The following LRP1B variants were observed in gnomAD, a reference collection of about 807,000 sequenced individuals.
LRP1B encodes the protein LDL receptor related protein 1B.
In LRP1B, 217 loss-of-function variants were observed where a neutral mutation model predicts 556.6. The ratio of observed to expected loss-of-function variants is 0.39; its 90% CI spans 0.35 to 0.44. The LOEUF is 0.44. LRP1B is among the 20% of genes least tolerant of loss of function. LRP1B has a pLI of 1.00. For missense variants in LRP1B, 5,053 were observed against 5,620.8 expected (o/e 0.90, Z 3.23); for synonymous variants, 2,047 against 1,865.8 (o/e 1.10, Z -2.50).
chr2:140,430,749 G>A (rs1383306546), intron 66 of LRP1B, among the ~76,000 whole-genome samples: 2 of 152,130 alleles, frequency 1.3e-5, no homozygotes, highest in Non-Finnish European at 2.9e-5. Context: ...CAAGCCGCTA[G>A]CCCGTCTCTT....
intron 2 of LRP1B, among the ~76,000 whole-genome samples, chr2:141,784,613 G>A (rs1442953152): frequency 6.6e-6 from 1 of 151,786 alleles, no homozygotes; most frequent in Non-Finnish European, 1.5e-5. Flanking sequence ...GACAACAAAA[G>A]CCAGAAATAT....
rs144471451 is a variant in LRP1B at position 140,393,870 on chromosome 2, A to G, written c.10415-7861T>C. ...GAGGCAGATTAACCATCTCTTAACT[A>G]TCAAAGCATGACCTTTTATAGAGAA... On this transcript the variant is annotated intron_variant, in intron 66 of 90. Coordinates refer to ENST00000389484, the MANE Select transcript of LRP1B (RefSeq NM_018557.3). 7.9e-4 allele frequency among the ~76,000 whole-genome samples: 120 copies of G among 152,320 alleles called. 2 individuals are homozygous for G. Among genetic ancestry groups the G allele is most frequent in the South Asian group, 4.1e-4 (2 of 4,830 alleles).
At chr2:141,917,396 T>A (rs187576424) in intron 1 of LRP1B, among the ~76,000 whole-genome samples, 3 of 152,222 alleles carry the variant, frequency 2.0e-5, no homozygotes, top group African/African-American at 4.8e-5. Flanking sequence ...TTTTGCTTTA[T>A]CAATATGTAT....
chr2:141,794,891 A>T lies in LRP1B; in HGVS notation c.205+15388T>A, dbSNP rs118020418. Among the ~76,000 whole-genome samples the T allele has an allele frequency of 9.9e-5, 15 of 152,200 alleles. No homozygotes were observed. The East Asian group carries it at 2.9e-3, about 29-fold the overall frequency. ...ACATTGCATTTTGGGACAGGTACAC[A>T]CAACTATATTGGGTTAGTATTATTT... On this transcript the variant is annotated intron_variant, in intron 2 of 90. Coordinates refer to ENST00000389484, the MANE Select transcript of LRP1B (RefSeq NM_018557.3).
intron 31 of LRP1B, among the ~76,000 whole-genome samples, chr2:140,836,054 C>G (rs1460235695): frequency 6.6e-6 from 1 of 152,134 alleles, no homozygotes; most frequent in Non-Finnish European, 1.5e-5. Flanking sequence ...CATACTTTAG[C>G]AATGAAAATG....
intron 1 of LRP1B, among the ~76,000 whole-genome samples, chr2:142,110,155 C>A (rs942067750): frequency 1.2e-4 from 18 of 151,906 alleles, no homozygotes; most frequent in African/African-American, 4.1e-4. Context: ...TTATACAAGC[C>A]CATCATTCTT....
At chr2:141,616,334 TA>T (rs1361343353) in intron 2 of LRP1B, among the ~76,000 whole-genome samples, 2 of 151,938 alleles carry the variant, frequency 1.3e-5, no homozygotes, top group East Asian at 3.9e-4. Flanking sequence ...ACATAAACTT[TA>T]TATGAACAAT....
chr2:141,652,471 G>A (rs1029104604), intron 2 of LRP1B, among the ~76,000 whole-genome samples: 2 of 152,170 alleles, frequency 1.3e-5, no homozygotes, highest in Non-Finnish European at 2.9e-5. Flanking sequence ...CATTTTGAAT[G>A]TTTTCTGTAT....
rs143235499 is a variant in LRP1B at position 141,289,856 on chromosome 2, C to T, written c.344-35215G>A. Among the ~76,000 whole-genome samples, 245 of 152,232 alleles carry T rather than the reference C, an allele frequency of 1.6e-3. 1 individual carries two copies. The highest frequency in any genetic ancestry group is 5.4e-3 in the African/African-American group (225 of 41,544). On this transcript the variant is annotated intron_variant, in intron 3 of 90. Transcript: ENST00000389484. ...ATATTTGAGTTTTTGATTGTTTCTT[C>T]CTACTTCTACCTTATATATGTGTTA...
At chr2:140,988,457 G>A (rs1386317583) in intron 17 of LRP1B, among the ~76,000 whole-genome samples, 1 of 152,100 alleles carries the variant, frequency 6.6e-6, no homozygotes, top group African/African-American at 2.4e-5. Flanking sequence ...AGAAGACATA[G>A]ACTAGGACTC....
chr2:140,443,875 A>G (rs1686536246), intron 65 of LRP1B, among the ~76,000 whole-genome samples: 1 of 152,204 alleles, frequency 6.6e-6, no homozygotes, highest in Non-Finnish European at 1.5e-5. Flanking sequence ...TTGTTAGACC[A>G]TTTTGCCCAG....
At chr2:141,764,429 G>A (rs866913819) in intron 2 of LRP1B, among the ~76,000 whole-genome samples, 1 of 152,158 alleles carries the variant, frequency 6.6e-6, no homozygotes, top group African/African-American at 2.4e-5. Flanking sequence ...TGATCCACCT[G>A]CCTCGGCCTC....
intron 6 of LRP1B, among the ~76,000 whole-genome samples, chr2:141,216,031 TC>T (rs1682796404): frequency 6.6e-6 from 1 of 152,128 alleles, no homozygotes; most frequent in South Asian, 2.1e-4. Context: ...GAAAAATGTC[TC>T]AAAGGCACTT....
At chr2:141,023,673 G>A (rs1192679355) in intron 11 of LRP1B, among the ~76,000 whole-genome samples, 1 of 151,928 alleles carries the variant, frequency 6.6e-6, no homozygotes, top group Non-Finnish European at 1.5e-5. Flanking sequence ...ATTTTTAAAA[G>A]AAAGGATGTG....
At chr2:141,559,690 G>T (rs1247983961) in intron 2 of LRP1B, among the ~76,000 whole-genome samples, 2 of 151,574 alleles carry the variant, frequency 1.3e-5, no homozygotes, top group African/African-American at 4.8e-5. Flanking sequence ...TATTGTAGGT[G>T]CATGGTAAAT....
chr2:141,290,790 A>G (rs1558984879), intron 3 of LRP1B, among the ~76,000 whole-genome samples: 1 of 152,136 alleles, frequency 6.6e-6, no homozygotes, highest in Non-Finnish European at 1.5e-5. Flanking sequence ...AAACTTCATG[A>G]TAAAGTGGAT....
Position 140,850,226 on chromosome 2 carries a change from A to T in LRP1B, c.4815T>A (p.Ile1605=), listed in dbSNP as rs2105117930. The T allele has an allele frequency of 6.2e-7, 1 of 1,612,918 alleles. No individual in the cohort carries two copies. Among genetic ancestry groups the T allele is most frequent in the Non-Finnish European group, 8.5e-7 (1 of 1,178,948 alleles). The change falls in exon 29 of 91, where the codon ATT becomes ATA. Residue 1605 remains isoleucine, a synonymous_variant. Coordinates refer to ENST00000389484, the MANE Select transcript of LRP1B (RefSeq NM_018557.3). ...CGAAGTCTATCACAGTAACGTCATCAATATCAGGGACTGTAAATGCCGTGA... is the reference window on the plus strand; with the variant it reads ...CGAAGTCTATCACAGTAACGTCATCTATATCAGGGACTGTAAATGCCGTGA... ...NFITAFTVPD[I]DDVTVIDFDA... is the part of the protein sequence containing the mutation.
chr2:141,338,358 C>T (rs1687926465), intron 3 of LRP1B, among the ~76,000 whole-genome samples: 1 of 152,080 alleles, frequency 6.6e-6, no homozygotes, highest in South Asian at 2.1e-4. Flanking sequence ...TCAGGAGTAC[C>T]CTTTCCCGCT....
intron 2 of LRP1B, among the ~76,000 whole-genome samples, chr2:141,715,822 TAACA>T (rs1278314649): frequency 1.9e-4 from 29 of 152,036 alleles, no homozygotes; most frequent in Admixed American, 1.7e-3. Context: ...TCTCAGAAAC[TAACA>T]AACAAACAAA....
Sources: gnomAD v4.1 joint callset for allele counts (sites outside exome capture counted in the v4.1 genomes callset) on GRCh38, gnomAD v4.1.1 for gene constraint, MANE v1.5 for transcripts, NCBI Gene and HGNC (gene_info 2026-07-23, HGNC 2026-07-21) for gene names.